Variants in TPRG1 observed in about 807,000 individuals in gnomAD.
The protein encoded by TPRG1 is tumor protein p63-regulated gene 1 protein.
TPRG1 carries 29 observed loss-of-function variants against 29.3 expected under a neutral mutation model. The ratio of observed to expected loss-of-function variants is 0.99; its 90% CI spans 0.74 to 1.35. The LOEUF is 1.35. Ranked by LOEUF, TPRG1 falls within the 40% of genes most tolerant of loss-of-function variation. The pLI, the probability that TPRG1 is intolerant of heterozygous loss-of-function variation, is 0.00. For missense variants in TPRG1, 327 were observed against 335.0 expected, an observed-to-expected ratio of 0.98 and a Z score of 0.19; for synonymous variants, 130 against 116.8, an observed-to-expected ratio of 1.11 and a Z score of -0.73.
rs187586374 is a variant in TPRG1, at chr3:188,999,314, G to A, written c.-1015-1460G>A. 1.2e-3 allele frequency among the ~76,000 whole-genome samples: 181 copies of A among 152,258 alleles called. 2 individuals are homozygous for A. Among genetic ancestry groups the A allele is most frequent in the South Asian group, 4.1e-4 (2 of 4,822 alleles). On this transcript the variant is annotated intron_variant, in intron 1 of 10. Coordinates refer to the TPRG1 transcript ENST00000433971. ...GAGAAGTCTCCTTGACTTCTGGTGCGAGTCAAAGGCAGCTGTTGGTGTCTA... is the reference window on the plus strand; with the variant it reads ...GAGAAGTCTCCTTGACTTCTGGTGCAAGTCAAAGGCAGCTGTTGGTGTCTA...
chr3:189,130,272 A>C (rs1192954905), intron 2 of TPRG1, among the ~76,000 whole-genome samples: 1 of 152,208 alleles, frequency 6.6e-6, no homozygotes, highest in Non-Finnish European at 1.5e-5. Context: ...TCAACTAGAC[A>C]ATAACTATTT....
At chr3:189,210,538 G>A (rs1357306216) in intron 2 of TPRG1, among the ~76,000 whole-genome samples, 1 of 152,150 alleles carries the variant, frequency 6.6e-6, no homozygotes, top group Admixed American at 6.5e-5. Flanking sequence ...ACTTCTTAAA[G>A]CTGAAATGAA....
intron 3 of TPRG1, among the ~76,000 whole-genome samples, chr3:189,220,678 A>T (rs1390271168): frequency 6.6e-6 from 1 of 152,162 alleles, no homozygotes; most frequent in Non-Finnish European, 1.5e-5. Context: ...ATAAGTCAGA[A>T]CATGGGGTAT....
At chr3:189,312,154 TTTCTTTCTTTC>T (rs1560689332) in intron 5 of TPRG1, among the ~76,000 whole-genome samples, 11 of 59,414 alleles carry the variant, frequency 1.9e-4, no homozygotes, top group Non-Finnish European at 3.2e-4. Flanking sequence ...TCTTTCTTTC[TTTCTTTCTTTC>T]TTTCTTTCTT....
chr3:189,116,379 A>G (rs1014869499), intron 1 of TPRG1, among the ~76,000 whole-genome samples: 1 of 152,130 alleles, frequency 6.6e-6, no homozygotes, highest in African/African-American at 2.4e-5. Flanking sequence ...AGGTTTCACC[A>G]TCTTGGCCAG....
At chr3:189,056,063 T>TCCTTCCCTTCCTG (rs2152141876) in intron 4 of TPRG1, among the ~76,000 whole-genome samples, 2 of 128,190 alleles carry the variant, frequency 1.6e-5, no homozygotes, top group African/African-American at 5.7e-5. Context: ...CTTCCTTCCT[T>TCCTTCCCTTCCTG]CCTTCCTTCC....
chr3:188,998,419 T>C lies in TPRG1; in HGVS notation c.-1015-2355T>C, dbSNP rs531917177. ...ACACAAGGCCAGTATGGCTGGAACA[T>C]AGGAAACACATATGGTATGACTTGA... On this transcript the variant is annotated intron_variant, in intron 1 of 10. Transcript: ENST00000433971. 2.0e-4 allele frequency among the ~76,000 whole-genome samples: 30 copies of C among 152,154 alleles called. No individual in the cohort carries two copies. The South Asian group carries it at 3.1e-3, about 16-fold the overall frequency.
intron 3 of TPRG1, among the ~76,000 whole-genome samples, chr3:189,145,245 C>G (rs896284321): frequency 4.0e-5 from 6 of 151,514 alleles, no homozygotes; most frequent in African/African-American, 7.3e-5. Context: ...GCCTGTAATC[C>G]CAGCTACTCA....
chr3:189,085,038 C>T (rs1245636911), intron 4 of TPRG1, among the ~76,000 whole-genome samples: 1 of 152,168 alleles, frequency 6.6e-6, no homozygotes, highest in Non-Finnish European at 1.5e-5. Flanking sequence ...CAGCAGTCCT[C>T]TAAGAAAAAT....
chr3:189,112,473 T>C (rs374026758), intron 1 of TPRG1, among the ~76,000 whole-genome samples: 6 of 152,362 alleles, frequency 3.9e-5, no homozygotes, highest in South Asian at 2.1e-4. Flanking sequence ...TGAATGGTAA[T>C]GCCTAGGTTT....
intron 1 of TPRG1, among the ~76,000 whole-genome samples, chr3:189,125,210 T>TA (rs1196996466): frequency 6.6e-6 from 1 of 152,222 alleles, no homozygotes; most frequent in Non-Finnish European, 1.5e-5. Context: ...ACCTGTATTA[T>TA]AGAGTCAGAG....
At chr3:189,063,221 T>A (rs1560421997) in intron 4 of TPRG1, among the ~76,000 whole-genome samples, 1 of 152,018 alleles carries the variant, frequency 6.6e-6, no homozygotes, top group Non-Finnish European at 1.5e-5. Flanking sequence ...TAATTCTAAA[T>A]GTACACACCA....
chr3:189,019,979 G>A (rs1273164157), intron 3 of TPRG1, among the ~76,000 whole-genome samples: 2 of 151,136 alleles, frequency 1.3e-5, no homozygotes, highest in Non-Finnish European at 3.0e-5. Context: ...ATGTGTCGAG[G>A]AATTTATCCA....
intron 4 of TPRG1, among the ~76,000 whole-genome samples, chr3:189,148,477 G>C (rs1329058443): frequency 6.6e-6 from 1 of 152,202 alleles, no homozygotes; most frequent in Non-Finnish European, 1.5e-5. Context: ...GCTGAGTCTG[G>C]AAGCATGCCT....
chr3:189,090,423 A>G (rs1718265591), intron 4 of TPRG1, among the ~76,000 whole-genome samples: 1 of 152,068 alleles, frequency 6.6e-6, no homozygotes, highest in African/African-American at 2.4e-5. Flanking sequence ...AAGTGGAAAA[A>G]ATATATATTG....
At chr3:188,997,757 G>A (rs532846178) in intron 1 of TPRG1, among the ~76,000 whole-genome samples, 14 of 152,052 alleles carry the variant, frequency 9.2e-5, no homozygotes, top group Non-Finnish European at 1.6e-4. Context: ...AGGGACATCC[G>A]AACAATTACA....
chr3:189,024,594 G>C (rs1011781616), intron 4 of TPRG1, among the ~76,000 whole-genome samples: 3 of 152,076 alleles, frequency 2.0e-5, no homozygotes, highest in African/African-American at 7.2e-5. Flanking sequence ...TTGTCCAGAC[G>C]GTTTGGACTC....
intron 4 of TPRG1, among the ~76,000 whole-genome samples, chr3:189,081,150 T>C (rs1717566809): frequency 1.3e-5 from 2 of 152,112 alleles, no homozygotes; most frequent in South Asian, 4.1e-4. Context: ...AAAATATGAA[T>C]GGACAAATCA....
intron 4 of TPRG1, among the ~76,000 whole-genome samples, chr3:189,035,850 A>T (rs1348804424): frequency 6.6e-6 from 1 of 152,146 alleles, no homozygotes; most frequent in Non-Finnish European, 1.5e-5. Flanking sequence ...TCTAGCGTGG[A>T]AAGTAGTTTT....
Sources: allele counts gnomAD v4.1 joint callset (sites outside exome capture counted in the v4.1 genomes callset), GRCh38; gene constraint gnomAD v4.1.1; transcripts MANE v1.5; gene names NCBI Gene and HGNC (gene_info 2026-07-23, HGNC 2026-07-21).